The following GLI2 variants were observed in gnomAD, a reference collection of about 807,000 sequenced individuals.
The protein encoded by GLI2 is GLI family zinc finger 2.
In GLI2, 22 loss-of-function variants were observed where a neutral mutation model predicts 78.9. The observed-to-expected ratio is 0.28, with a 90% CI of 0.20 to 0.40. The LOEUF (loss-of-function observed/expected upper bound fraction) is 0.40, where lower values mean the gene tolerates loss of function less well. Among genes scored for constraint, GLI2 ranks in the 10% least tolerant of loss-of-function variants. The pLI, the probability that GLI2 is intolerant of heterozygous loss-of-function variation, is 1.00. For missense variants in GLI2, 2,097 were observed against 2,213.2 expected (o/e 0.95, Z 1.05); for synonymous variants, 974 against 963.7 (o/e 1.01, Z -0.20).
intron 1 of GLI2, among the ~76,000 whole-genome samples, chr2:120,753,987 C>G (rs1310800725): frequency 6.6e-6 from 1 of 150,596 alleles, no homozygotes; most frequent in Non-Finnish European, 1.5e-5. Flanking sequence ...TGTGCCATCT[C>G]TATTAAAATT....
chr2:120,829,393 G>C (rs1686247892), intron 2 of GLI2, among the ~76,000 whole-genome samples: 1 of 152,256 alleles, frequency 6.6e-6, no homozygotes, highest in South Asian at 2.1e-4. Context: ...CTCAAAGGCA[G>C]TGTCATGATT....
At chr2:120,841,435 A>G (rs895013138) in intron 2 of GLI2, among the ~76,000 whole-genome samples, 10 of 152,156 alleles carry the variant, frequency 6.6e-5, no homozygotes, top group African/African-American at 2.2e-4. Flanking sequence ...CTGCTGTGTG[A>G]TCTCTGCAGG....
chr2:120,896,349 T>TGGGGTCCAGAG (rs1677944769), intron 2 of GLI2, among the ~76,000 whole-genome samples: 4 of 152,264 alleles, frequency 2.6e-5, no homozygotes, highest in East Asian at 3.9e-4. Context: ...GAAGGCTGTT[T>TGGGGTCCAGAG]GGGGTCCAGA....
intron 2 of GLI2, among the ~76,000 whole-genome samples, chr2:120,814,403 T>C (rs552206193): frequency 6.6e-6 from 1 of 152,172 alleles, no homozygotes; most frequent in East Asian, 1.9e-4. Context: ...GGTGTGTGAG[T>C]GTGGTAAAAT....
intron 1 of GLI2, among the ~76,000 whole-genome samples, chr2:120,780,354 C>T (rs1279960860): frequency 6.6e-6 from 1 of 152,230 alleles, no homozygotes; most frequent in Non-Finnish European, 1.5e-5. Flanking sequence ...CTCTTTCTTG[C>T]AGAGAAGCAG....
rs570264703 is a variant in GLI2 at position 120,965,491 on chromosome 2, C to G, written c.644-3223C>G. On this transcript the variant is annotated intron_variant, in intron 5 of 13. Coordinates refer to ENST00000361492, the MANE Select transcript of GLI2 (RefSeq NM_001374353.1). ...CACTCCAGCCGGGATGCAGATGCTG[C>G]GGCAGAGGGGCACACTCCAGCCGGG... Among the ~76,000 whole-genome samples, 593 of 147,612 alleles carry G rather than the reference C, an allele frequency of 4.0e-3. 4 individuals carry two copies. The highest frequency in any genetic ancestry group is 0.014 in the African/African-American group (560 of 38,964).
intron 2 of GLI2, among the ~76,000 whole-genome samples, chr2:120,904,638 C>A (rs11888477): frequency 0.02 from 3,036 of 152,328 alleles, 115 homozygotes; most frequent in African/African-American, 0.07. Context: ...GGAGGCGCAG[C>A]TGTTCTCAAC....
At chr2:120,965,476 G>A (rs112482026) in intron 5 of GLI2, among the ~76,000 whole-genome samples, 1 of 132,726 alleles carries the variant, frequency 7.5e-6, no homozygotes. Context: ...CACTCCAGCC[G>A]GGATGCAGAT....
chr2:120,748,598 T>C (rs958571434), intron 1 of GLI2, among the ~76,000 whole-genome samples: 6 of 152,150 alleles, frequency 3.9e-5, no homozygotes, highest in South Asian at 2.1e-4. Context: ...TGCCTATCCA[T>C]GGTTTAGCTT....
intron 2 of GLI2, among the ~76,000 whole-genome samples, chr2:120,853,689 A>G (rs1490758508): frequency 6.6e-6 from 1 of 152,218 alleles, no homozygotes; most frequent in Non-Finnish European, 1.5e-5. Context: ...AATTGTTGCT[A>G]TCAGGAGAAA....
chr2:120,957,571 C>T (rs1218288784), intron 5 of GLI2, among the ~76,000 whole-genome samples: 2 of 152,216 alleles, frequency 1.3e-5, no homozygotes, highest in Non-Finnish European at 2.9e-5. Context: ...CTTCCAAGGG[C>T]CTGAGGGTGG....
rs1280429448 is a variant in GLI2 at position 120,913,782 on chromosome 2, A to C, written c.149-13579A>C. Reference sequence around the variant, plus strand: ...TGGCTGATTCCGCTGCCCGGTTTTAAAGGTCATTGATTGTCTGTGGCAGGC... The same window carrying C: ...TGGCTGATTCCGCTGCCCGGTTTTACAGGTCATTGATTGTCTGTGGCAGGC... On this transcript the variant is annotated intron_variant, in intron 2 of 13. Coordinates refer to ENST00000361492, the MANE Select transcript of GLI2 (RefSeq NM_001374353.1). Among the ~76,000 whole-genome samples, 3 of 152,290 alleles carry C rather than the reference A, an allele frequency of 2.0e-5. 1 individual carries two copies. The highest frequency in any genetic ancestry group is 7.2e-5 in the African/African-American group (3 of 41,572).
At chr2:120,961,716 C>T (rs760797449) in intron 5 of GLI2, among the ~76,000 whole-genome samples, 14 of 152,160 alleles carry the variant, frequency 9.2e-5, no homozygotes, top group African/African-American at 2.9e-4. Context: ...AGCATCTCCT[C>T]GGCAAGCCAG....
chr2:120,971,043 C>T (rs765799670), intron 7 of GLI2, among the ~76,000 whole-genome samples: 5 of 152,256 alleles, frequency 3.3e-5, no homozygotes, highest in Admixed American at 1.3e-4. Context: ...CAGTGCCTGG[C>T]ACATCCTAGG....
chr2:120,851,076 T>C (rs1687384561), intron 2 of GLI2, among the ~76,000 whole-genome samples: 2 of 152,348 alleles, frequency 1.3e-5, no homozygotes, highest in South Asian at 4.1e-4. Flanking sequence ...GCAGATCTTT[T>C]CTCAGCCTTT....
intron 2 of GLI2, among the ~76,000 whole-genome samples, chr2:120,868,021 C>G (rs1027504722): frequency 6.6e-6 from 1 of 151,986 alleles, no homozygotes; most frequent in Non-Finnish European, 1.5e-5. Context: ...TCTTTCCTGC[C>G]CCCCCAGCCT....
chr2:120,817,372 C>T (rs1278610366), intron 2 of GLI2, among the ~76,000 whole-genome samples: 1 of 152,256 alleles, frequency 6.6e-6, no homozygotes, highest in Non-Finnish European at 1.5e-5. Flanking sequence ...GCCATGCTCA[C>T]TGCCCACCTG....
intron 5 of GLI2, among the ~76,000 whole-genome samples, chr2:120,963,086 G>C (rs1681664606): frequency 1.3e-5 from 2 of 152,196 alleles, no homozygotes; most frequent in Non-Finnish European, 2.9e-5. Context: ...GCCGATGAGT[G>C]AATGTCTAAT....
Position 120,800,629 on chromosome 2 carries a change from C to CT in GLI2, c.148+3161_148+3162insT, listed in dbSNP as rs1359585668. Among the ~76,000 whole-genome samples the CT allele has an allele frequency of 2.9e-5, 3 of 105,148 alleles. No homozygotes were observed. The highest frequency in any genetic ancestry group is 7.1e-5 in the Non-Finnish European group (3 of 42,122). 69.0% of individuals were successfully genotyped at this position (105,148 alleles called of 152,430 possible). A position where few individuals can be genotyped will look rare whatever the true frequency, so the allele number is the denominator to read the frequency against. ...CACGCCATTCTCCTGCCTCAGCCTC[C>CT]CAGTAGCTGGGACTACAGGCACCCG... On this transcript the variant is annotated intron_variant, in intron 2 of 13. Transcript: ENST00000361492. The surrounding 1 kb of genome is among the most constrained non-coding windows in gnomAD (Gnocchi z 4.1).
Sources: gnomAD v4.1 joint callset for allele counts (sites outside exome capture counted in the v4.1 genomes callset) on GRCh38, gnomAD v4.1.1 for gene constraint, Gnocchi (gnomAD v3.1) non-coding constraint, MANE v1.5 for transcripts, NCBI Gene and HGNC (gene_info 2026-07-23, HGNC 2026-07-21) for gene names.